ELP1: variants seen among roughly 807,000 people sequenced by gnomAD.
ELP1 encodes the protein elongator acetyltransferase complex subunit 1.
A neutral mutation model predicts 183.2 loss-of-function variants in ELP1; 131 were observed. The observed-to-expected ratio is 0.72, with a 90% CI of 0.62 to 0.83. ELP1 has a LOEUF of 0.83. Among genes scored for constraint, ELP1 ranks in the 40% least tolerant of loss-of-function variants. ELP1 has a pLI of 0.00. For missense variants in ELP1, 1,550 were observed against 1,594.9 expected, an observed-to-expected ratio of 0.97 and a Z score of 0.48; for synonymous variants, 555 against 569.0, an observed-to-expected ratio of 0.98 and a Z score of 0.35.
Position 108,868,542 on chromosome 9 carries a change from T to C in ELP1, c.*573A>G, listed in dbSNP as rs1251610767. The stretch of plus-strand genomic sequence containing the variant: ...GGCAGTAAAACAGTCCCTATAGACA[T>C]TGTAATTATAGGAGGCTCAGCCCAG... On this transcript the variant is annotated 3_prime_UTR_variant, in exon 37 of 37. Transcript: ENST00000374647. The C allele has an allele frequency of 1.8e-5, 8 of 433,006 alleles. No homozygotes were observed. Among genetic ancestry groups the C allele is most frequent in the Non-Finnish European group, 2.8e-5 (7 of 247,402 alleles). 26.8% of individuals were successfully genotyped at this position (433,006 alleles called of 1,614,324 possible). A position where few individuals can be genotyped will look rare whatever the true frequency, so the allele number is the denominator to read the frequency against.
At chr9:108,885,228 C>G (rs1828082391) in intron 29 of ELP1, among the ~76,000 whole-genome samples, 1 of 151,146 alleles carries the variant, frequency 6.6e-6, no homozygotes, top group Non-Finnish European at 1.5e-5. Flanking sequence ...TAGAGAAAAA[C>G]AATGAAACAG....
chr9:108,887,768 C>T (rs10117105), intron 29 of ELP1, among the ~76,000 whole-genome samples: 33,102 of 151,974 alleles, frequency 0.22, 4,015 homozygotes, highest in African/African-American at 0.32. Flanking sequence ...TGTTACGTAG[C>T]AATAGATAAT....
chr9:108,921,581 C>T (rs1829648060), intron 6 of ELP1, among the ~76,000 whole-genome samples: 2 of 126,850 alleles, frequency 1.6e-5, no homozygotes, highest in African/African-American at 6.0e-5. Flanking sequence ...CTTTTAAGTC[C>T]TGCCAAAAAA....
At chr9:108,891,856 G>T (rs995739540) in intron 27 of ELP1, among the ~76,000 whole-genome samples, 1 of 152,210 alleles carries the variant, frequency 6.6e-6, no homozygotes, top group East Asian at 1.9e-4. Context: ...AATAAACCAC[G>T]TGATGAGATA....
chr9:108,882,191 A>T lies in ELP1; in HGVS notation c.3223-4T>A. On this transcript the variant is annotated splice_polypyrimidine_tract_variant and splice_region_variant and intron_variant, in intron 29 of 36. Transcript: ENST00000374647. ...AGAGCACAGCTTCTTCATAATCCTG[A>T]CAAGGGAACAGGAAGAAGACAACAA... is the stretch of plus-strand genomic sequence containing the variant. 6.2e-7 allele frequency: 1 copy of T among 1,612,398 alleles called. No individual in the cohort carries two copies. The highest frequency in any genetic ancestry group is 2.2e-5 in the East Asian group (1 of 44,856).
At chr9:108,901,866 C>G (rs1306156699) in intron 16 of ELP1, among the ~76,000 whole-genome samples, 185 bp from the exon 17 acceptor site, 1 of 152,128 alleles carries the variant, frequency 6.6e-6, no homozygotes, top group Non-Finnish European at 1.5e-5. Context: ...TCCAATCCAT[C>G]AGTGAGCCCT....
chr9:108,897,323 C>A (rs1181644721), intron 22 of ELP1, 38 bp from the exon 23 acceptor site: 2 of 1,612,094 alleles, frequency 1.2e-6, no homozygotes, highest in Non-Finnish European at 1.7e-6. Flanking sequence ...ATCAACAGAA[C>A]ATGTAGCCCA....
At chr9:108,930,389 C>A (rs1259618851) in intron 2 of ELP1, among the ~76,000 whole-genome samples, 2 of 152,134 alleles carry the variant, frequency 1.3e-5, no homozygotes, top group Admixed American at 6.5e-5. Flanking sequence ...TGGGCTCAAA[C>A]TTTTAGAAAG....
chr9:108,879,603 G>T, intron 32 of ELP1, 46 bp from the exon 33 acceptor site: 1 of 1,369,628 alleles, frequency 7.3e-7, no homozygotes, highest in Non-Finnish European at 1.0e-6. Flanking sequence ...GCCTGCTAAT[G>T]TGTGGGTTTA....
intron 13 of ELP1, 150 bp downstream of exon 13, chr9:108,908,155 T>C (rs567342407): frequency 3.0e-6 from 2 of 677,794 alleles, no homozygotes; most frequent in East Asian, 2.7e-5. Flanking sequence ...GACTGGCTTC[T>C]CCAATCAGAT....
intron 36 of ELP1, among the ~76,000 whole-genome samples, chr9:108,870,358 T>G (rs1488567491): frequency 1.3e-5 from 2 of 152,258 alleles, no homozygotes; most frequent in Non-Finnish European, 2.9e-5. Context: ...TTAACAAATG[T>G]TTTGTATGTT....
intron 36 of ELP1, among the ~76,000 whole-genome samples, chr9:108,873,164 G>A (rs953255836): frequency 2.0e-5 from 3 of 152,192 alleles, no homozygotes; most frequent in African/African-American, 7.2e-5. Flanking sequence ...CAACCCAGCT[G>A]TGATTCAAGT....
At position 108,897,210 on chromosome 9, in the gene ELP1, C is replaced by A. The variant is rs1828590245; in HGVS notation, c.2439G>T (p.Gly813=). The change falls in exon 23 of 37, where the codon GGG becomes GGT. Residue 813 remains glycine, a synonymous_variant. Transcript: ENST00000374647. ...CATCGCAGACAAGGTCTATTTTATT[C>A]CCGTCAGGATCCCTGGACAGGTAGA... The part of the protein sequence containing the change: ...SSVYLSRDPD[G]NKIDLVCDAM... The A allele has an allele frequency of 6.2e-7, 1 of 1,613,980 alleles. No homozygotes were observed. Among genetic ancestry groups the A allele is most frequent in the African/African-American group, 1.3e-5 (1 of 74,904 alleles).
intron 6 of ELP1, 134 bp from the exon 7 acceptor site, chr9:108,919,483 A>C (rs1302158838): frequency 6.0e-5 from 38 of 628,390 alleles, no homozygotes; most frequent in Middle Eastern, 2.6e-4. Context: ...TAGAATCAGA[A>C]ACCATCCAAG....
At position 108,867,973 on chromosome 9, in the gene ELP1, G is replaced by A. The variant is rs1827299754; in HGVS notation, c.*1142C>T. 1 of 152,262 alleles carries A rather than the reference G, an allele frequency of 6.6e-6. No homozygotes were observed. The allele number at this position is 152,262 out of a possible 1,614,324, so 9.4% of individuals were successfully genotyped here. On this transcript the variant is annotated 3_prime_UTR_variant, in exon 37 of 37. Coordinates refer to ENST00000374647, the MANE Select transcript of ELP1 (RefSeq NM_003640.5). ...AGGCATTTGTTTCCCTAAACCTCATGTTGAAATGTGATCACCAGTGTTGGA... is the reference window on the plus strand; with the variant it reads ...AGGCATTTGTTTCCCTAAACCTCATATTGAAATGTGATCACCAGTGTTGGA...
intron 29 of ELP1, 146 bp downstream of exon 29, chr9:108,889,186 G>A (rs1828231190): frequency 1.2e-6 from 1 of 801,014 alleles, no homozygotes; most frequent in Non-Finnish European, 2.2e-6. Context: ...TCCAAGTCAA[G>A]CCAGCAAGAT....
chr9:108,885,076 T>C, intron 29 of ELP1, among the ~76,000 whole-genome samples: 1 of 151,412 alleles, frequency 6.6e-6, no homozygotes, highest in African/African-American at 2.4e-5. Context: ...GGGACCCTGT[T>C]TCTTTAAAAA....
At chr9:108,890,806 T>C (rs557268151) in intron 28 of ELP1, among the ~76,000 whole-genome samples, 1 of 152,358 alleles carries the variant, frequency 6.6e-6, no homozygotes, top group East Asian at 1.9e-4. Flanking sequence ...CGAGATGGAA[T>C]AGAAGGTGAT....
chr9:108,931,068 G>C lies in ELP1; in HGVS notation c.79C>G (p.Arg27Gly), dbSNP rs868073099. Residue 27 changes from arginine (R) to glycine (G), a missense_variant, in exon 2 of 37, where the codon CGA becomes GGA. Physicochemically the swap from Arg to Gly is moderately radical, Grantham distance 125. Transcript: ENST00000374647. ...GPGNPQCFSL[R>G]TEQGTVLIGS... The stretch of plus-strand genomic sequence containing the variant: ...ATGAGCACCGTCCCCTGTTCAGTTC[G>C]GAGAGAGAAGCACTGAGGATTCCCT... The C allele has an allele frequency of 1.9e-6, 3 of 1,614,002 alleles. No homozygotes were observed. Among genetic ancestry groups the C allele is most frequent in the Non-Finnish European group, 1.7e-6 (2 of 1,179,918 alleles).
Sources: allele counts gnomAD v4.1 joint callset (sites outside exome capture counted in the v4.1 genomes callset), GRCh38; gene constraint gnomAD v4.1.1; transcripts MANE v1.5; gene names NCBI Gene and HGNC (gene_info 2026-07-23, HGNC 2026-07-21).